The following ADGRL2 variants were observed in gnomAD, a reference collection of about 807,000 sequenced individuals.
The protein encoded by ADGRL2 is calcium-independent alpha-latrotoxin receptor 2.
Under a neutral mutation model 157.4 loss-of-function variants are expected in ADGRL2, and 44 were observed. That is an observed-to-expected ratio of 0.28 (90% CI 0.22 to 0.36). ADGRL2 has a LOEUF of 0.36. Ranked by LOEUF, ADGRL2 falls within the 10% of genes least tolerant of loss-of-function variation. The pLI is 1.00. For synonymous variants in ADGRL2, 585 were observed against 624.7 expected (o/e 0.94, Z 0.95); for missense variants, 1,510 against 1,768.9 (o/e 0.85, Z 2.63).
At chr1:81,982,130 T>A (rs1055036260) in intron 19 of ADGRL2, among the ~76,000 whole-genome samples, 154 bp downstream of exon 19, 4 of 150,058 alleles carry the variant, frequency 2.7e-5, no homozygotes, top group African/African-American at 7.3e-5. Flanking sequence ...GTCTGAAAAT[T>A]TAGGTTTCAC....
rs567154798 is a variant in ADGRL2 at position 81,669,675 on chromosome 1, G to A, written c.-143+88695G>A. On this transcript the variant is annotated intron_variant, in intron 3 of 24. Transcript: ENST00000370721. ...AGAGGACACCTGGCTGGGTGTGGTG[G>A]TGCACACCTGTAATCCCAGCACTTT... Among the ~76,000 whole-genome samples the A allele has an allele frequency of 4.6e-5, 7 of 152,088 alleles. No individual in the cohort carries two copies. The South Asian group carries it at 1.2e-3, about 27-fold the overall frequency.
At chr1:81,551,767 T>C (rs1189778419) in intron 2 of ADGRL2, among the ~76,000 whole-genome samples, 1 of 152,212 alleles carries the variant, frequency 6.6e-6, no homozygotes, top group Non-Finnish European at 1.5e-5. Context: ...TTTAAAATAC[T>C]TCTGAAACAT....
chr1:81,851,476 C>T (rs558744293), intron 2 of ADGRL2, among the ~76,000 whole-genome samples: 24 of 151,798 alleles, frequency 1.6e-4, no homozygotes, highest in Admixed American at 6.6e-4. Context: ...TCTTTAGTAA[C>T]TAGAAAATCC....
intron 1 of ADGRL2, among the ~76,000 whole-genome samples, chr1:81,363,956 T>G (rs2076021264): frequency 6.6e-6 from 1 of 152,206 alleles, no homozygotes; most frequent in Non-Finnish European, 1.5e-5. Context: ...ATGAAGAAAT[T>G]CTTCAAGTGA....
chr1:81,849,640 A>C (rs2092926990), intron 2 of ADGRL2, among the ~76,000 whole-genome samples: 1 of 151,896 alleles, frequency 6.6e-6, no homozygotes, highest in Admixed American at 6.6e-5. Flanking sequence ...GATTAATCTA[A>C]GTTTGATTTT....
chr1:81,426,527 G>T lies in ADGRL2; in HGVS notation c.-301-18509G>T, dbSNP rs1352596059. ...TGTGACCGTCACCGCCGGGAGCAGA[G>T]GATCATGATCCAAAGGAACCAGAGT... On this transcript the variant is annotated intron_variant, in intron 1 of 24. Coordinates refer to the ADGRL2 transcript ENST00000370721. 3 of 423,830 alleles carry T rather than the reference G, an allele frequency of 7.1e-6. No homozygotes were observed. The Admixed American group carries it at 7.9e-5, about 11-fold the overall frequency. The allele number at this position is 423,830 out of a possible 1,614,324, so 26.3% of individuals were successfully genotyped here.
intron 3 of ADGRL2, among the ~76,000 whole-genome samples, chr1:81,910,770 A>G (rs2094702772): frequency 6.6e-6 from 1 of 151,796 alleles, no homozygotes; most frequent in African/African-American, 2.4e-5. Context: ...AAACCCTAAT[A>G]GTTTAGCAGA....
chr1:81,755,351 C>T (rs1410418925), intron 1 of ADGRL2, among the ~76,000 whole-genome samples: 2 of 151,448 alleles, frequency 1.3e-5, no homozygotes, highest in Non-Finnish European at 2.9e-5. Context: ...CACTAGTTTG[C>T]TACTATTGCT....
At chr1:81,703,366 G>T (rs2083634308) in intron 1 of ADGRL2, among the ~76,000 whole-genome samples, 1 of 152,170 alleles carries the variant, frequency 6.6e-6, no homozygotes, top group South Asian at 2.1e-4. Flanking sequence ...TGTGATTAAT[G>T]GAACAGGAGT....
chr1:81,755,916 G>A (rs765214777), intron 1 of ADGRL2, among the ~76,000 whole-genome samples: 6 of 152,100 alleles, frequency 3.9e-5, no homozygotes, highest in Admixed American at 6.6e-5. Flanking sequence ...CAGGGAAGTT[G>A]TTAGAAATAA....
At chr1:81,944,586 T>G (rs1649159202) in intron 6 of ADGRL2, among the ~76,000 whole-genome samples, 1 of 152,066 alleles carries the variant, frequency 6.6e-6, no homozygotes, top group Non-Finnish European at 1.5e-5. Flanking sequence ...TGTTAATGTA[T>G]TATTATAGAG....
chr1:81,424,395 G>C (rs759986225), intron 1 of ADGRL2, among the ~76,000 whole-genome samples: 4 of 152,170 alleles, frequency 2.6e-5, no homozygotes, highest in Non-Finnish European at 5.9e-5. Flanking sequence ...CAGACACAAT[G>C]GTATGTGGTG....
chr1:81,533,328 A>C (rs2079651736), intron 2 of ADGRL2, among the ~76,000 whole-genome samples: 1 of 152,206 alleles, frequency 6.6e-6, no homozygotes, highest in Non-Finnish European at 1.5e-5. Context: ...GCGGTGAGCC[A>C]AGATTGTGCC....
At chr1:81,870,262 A>G (rs950375959) in intron 2 of ADGRL2, among the ~76,000 whole-genome samples, 1 of 152,016 alleles carries the variant, frequency 6.6e-6, no homozygotes, top group Non-Finnish European at 1.5e-5. Context: ...GAAATACCTG[A>G]TTCTCTAAAT....
chr1:81,311,148 A>G (rs12125670), intron 1 of ADGRL2, among the ~76,000 whole-genome samples: 1 of 151,990 alleles, frequency 6.6e-6, no homozygotes, highest in Non-Finnish European at 1.5e-5. Flanking sequence ...GTTAACATAT[A>G]CAAGCTCAAA....
chr1:81,928,697 C>T (rs376021693), intron 3 of ADGRL2, among the ~76,000 whole-genome samples: 2 of 151,980 alleles, frequency 1.3e-5, no homozygotes, highest in African/African-American at 2.4e-5. Flanking sequence ...TGCAATAGTT[C>T]GTCTGTAGAT....
At chr1:81,623,641 T>A (rs2081845360) in intron 3 of ADGRL2, among the ~76,000 whole-genome samples, 1 of 148,598 alleles carries the variant, frequency 6.7e-6, no homozygotes, top group South Asian at 2.2e-4. Context: ...CTTCCTTTTT[T>A]TTTTTTTTTT....
chr1:81,770,749 C>T (rs1267784303), intron 2 of ADGRL2, among the ~76,000 whole-genome samples: 1 of 152,226 alleles, frequency 6.6e-6, no homozygotes, highest in Admixed American at 6.5e-5. Flanking sequence ...GCTGGGATTA[C>T]AGGCGTGAGC....
chr1:81,775,041 T>C (rs940289448), intron 2 of ADGRL2, among the ~76,000 whole-genome samples: 4 of 152,194 alleles, frequency 2.6e-5, no homozygotes, highest in African/African-American at 4.8e-5. Context: ...CTTGTAGTTG[T>C]TTTGTGGCCT....
Sources: allele counts gnomAD v4.1 joint callset (sites outside exome capture counted in the v4.1 genomes callset), GRCh38; gene constraint gnomAD v4.1.1; transcripts MANE v1.5; gene names NCBI Gene and HGNC (gene_info 2026-07-23, HGNC 2026-07-21).